Variants in FGF12 observed in about 807,000 individuals in gnomAD.
The protein encoded by FGF12 is fibroblast growth factor 12.
In FGF12, 14 loss-of-function variants were observed where a neutral mutation model predicts 23.6. The ratio of observed to expected loss-of-function variants is 0.59; its 90% CI spans 0.39 to 0.93. The LOEUF (loss-of-function observed/expected upper bound fraction) is 0.93. FGF12 is among the 40% of genes least tolerant of loss of function. The pLI, the probability that FGF12 is intolerant of heterozygous loss-of-function variation, is 0.00. For missense variants in FGF12, 175 were observed against 217.8 expected (o/e 0.80, Z 1.24); for synonymous variants, 62 against 77.3 (o/e 0.80, Z 1.04).
intron 2 of FGF12, among the ~76,000 whole-genome samples, chr3:192,584,512 A>G (rs763344534): frequency 2.0e-5 from 3 of 152,220 alleles, no homozygotes; most frequent in East Asian, 3.9e-4. Flanking sequence ...GAGGTTCTCA[A>G]TGTGCTGCCT....
At chr3:192,320,464 G>A (rs1478499224) in intron 4 of FGF12, among the ~76,000 whole-genome samples, 2 of 151,996 alleles carry the variant, frequency 1.3e-5, no homozygotes, top group Non-Finnish European at 2.9e-5. Context: ...AGATCAAATA[G>A]GCTTAATAAA....
intron 4 of FGF12, among the ~76,000 whole-genome samples, chr3:192,313,387 A>C (rs1314903238): frequency 1.3e-5 from 2 of 152,180 alleles, no homozygotes; most frequent in African/African-American, 4.8e-5. Flanking sequence ...GTCCTTTTTC[A>C]TGGTAGAGCT....
intron 2 of FGF12, among the ~76,000 whole-genome samples, chr3:192,426,932 C>T (rs1020938891): frequency 4.6e-5 from 7 of 152,014 alleles, no homozygotes; most frequent in African/African-American, 9.7e-5. Context: ...ATCTTTGAAA[C>T]GGAAATAAAA....
intron 2 of FGF12, among the ~76,000 whole-genome samples, chr3:192,452,044 G>A (rs1001677622): frequency 1.3e-5 from 2 of 152,118 alleles, no homozygotes; most frequent in Admixed American, 1.3e-4. Flanking sequence ...ATATTGAATA[G>A]AAGTAATGAA....
intron 2 of FGF12, among the ~76,000 whole-genome samples, chr3:192,590,134 T>C (rs1325937267): frequency 1.3e-5 from 2 of 151,860 alleles, no homozygotes; most frequent in Admixed American, 1.3e-4. Flanking sequence ...CCTACCACCA[T>C]ATTTAACCTA....
At chr3:192,399,123 CAA>C (rs35547975) in intron 2 of FGF12, among the ~76,000 whole-genome samples, 3 of 137,740 alleles carry the variant, frequency 2.2e-5, no homozygotes, top group African/African-American at 2.7e-5. Flanking sequence ...CAAATATAAG[CAA>C]AAAAAAAAAA....
At chr3:192,402,169 G>C (rs1369528285) in intron 2 of FGF12, among the ~76,000 whole-genome samples, 3 of 152,196 alleles carry the variant, frequency 2.0e-5, no homozygotes, top group Non-Finnish European at 2.9e-5. Context: ...TTAACTTGGT[G>C]TTAACCTCTT....
chr3:192,640,224 A>C (rs1161782467), intron 2 of FGF12, among the ~76,000 whole-genome samples: 1 of 152,120 alleles, frequency 6.6e-6, no homozygotes, highest in Admixed American at 6.5e-5. Flanking sequence ...ACAAACAAAA[A>C]ACCATGGGCA....
intron 2 of FGF12, among the ~76,000 whole-genome samples, chr3:192,569,628 G>A (rs879435795): frequency 1.8e-4 from 28 of 152,158 alleles, no homozygotes; most frequent in Non-Finnish European, 3.4e-4. Context: ...AAGATTTATC[G>A]CAGGTAGCCA....
chr3:192,140,866 T>C lies in FGF12; in HGVS notation c.*3143A>G, dbSNP rs1019127373. On this transcript the variant is annotated 3_prime_UTR_variant, in exon 6 of 6. Coordinates refer to ENST00000445105, the MANE Select transcript of FGF12 (RefSeq NM_004113.6). ...CCTCCAATTTGCGGAAGCACAAAAG[T>C]CTCTGAATTAGCAAATGGAACTTCA... 6.6e-6 allele frequency: 1 copy of C among 151,760 alleles called. No individual in the cohort carries two copies. Among genetic ancestry groups the C allele is most frequent in the Non-Finnish European group, 1.5e-5 (1 of 67,834 alleles). 9.4% of individuals were successfully genotyped at this position (151,760 alleles called of 1,614,324 possible).
intron 2 of FGF12, among the ~76,000 whole-genome samples, chr3:192,651,734 TAC>T (rs1716221418): frequency 6.6e-6 from 1 of 152,200 alleles, no homozygotes. Flanking sequence ...ATATAGGATT[TAC>T]AGTTTTCCAA....
intron 2 of FGF12, among the ~76,000 whole-genome samples, chr3:192,627,564 C>T (rs982947247): frequency 6.6e-6 from 1 of 152,118 alleles, no homozygotes; most frequent in Non-Finnish European, 1.5e-5. Context: ...CTATTTTCCT[C>T]TGTCCTTGAC....
intron 2 of FGF12, among the ~76,000 whole-genome samples, chr3:192,706,453 A>G (rs886465989): frequency 3.3e-5 from 5 of 152,070 alleles, no homozygotes; most frequent in Non-Finnish European, 5.9e-5. Context: ...CAGCACCCGG[A>G]TGAATTCCAG....
At chr3:192,691,554 T>C (rs963077870) in intron 2 of FGF12, among the ~76,000 whole-genome samples, 2 of 152,008 alleles carry the variant, frequency 1.3e-5, no homozygotes, top group African/African-American at 2.4e-5. Context: ...AAGTAGGATG[T>C]TGGCAGCAGT....
Position 192,593,822 on chromosome 3 carries a change from G to A in FGF12, c.13+133359C>T, listed in dbSNP as rs377367572. 9.9e-5 allele frequency among the ~76,000 whole-genome samples: 15 copies of A among 151,814 alleles called. No homozygotes were observed. In the East Asian group the frequency reaches 1.7e-3, roughly 18 times the overall value. On this transcript the variant is annotated intron_variant, in intron 2 of 5. Transcript: ENST00000445105. ...AGGCTTGAAAGATACTGGCTCAAAC[G>A]GTAGAAGGCTCTGGAACAAAGGAAA...
At chr3:192,469,698 C>G (rs78212171) in intron 2 of FGF12, among the ~76,000 whole-genome samples, 2 of 152,106 alleles carry the variant, frequency 1.3e-5, no homozygotes, top group Non-Finnish European at 2.9e-5. Context: ...GTGTAATAAC[C>G]GTCCCCACAA....
chr3:192,524,513 G>A (rs889590633), intron 2 of FGF12, among the ~76,000 whole-genome samples: 3 of 152,172 alleles, frequency 2.0e-5, no homozygotes, highest in Admixed American at 6.5e-5. Flanking sequence ...GAGAAAAAGG[G>A]TTAACTGGAG....
At chr3:192,248,976 C>A (rs1483996529) in intron 4 of FGF12, among the ~76,000 whole-genome samples, 1 of 152,114 alleles carries the variant, frequency 6.6e-6, no homozygotes, top group Non-Finnish European at 1.5e-5. Flanking sequence ...ATAGTTTTAA[C>A]AACTGTTTTG....
chr3:192,287,494 C>A (rs1714519703), intron 4 of FGF12, among the ~76,000 whole-genome samples: 1 of 152,006 alleles, frequency 6.6e-6, no homozygotes, highest in Non-Finnish European at 1.5e-5. Flanking sequence ...TGCATCAAAG[C>A]AGACTAGAAG....
Sources: gnomAD v4.1 joint callset for allele counts (sites outside exome capture counted in the v4.1 genomes callset) on GRCh38, gnomAD v4.1.1 for gene constraint, MANE v1.5 for transcripts, NCBI Gene and HGNC (gene_info 2026-07-23, HGNC 2026-07-21) for gene names.